GPC5: variants seen among roughly 807,000 people sequenced by gnomAD.
GPC5 encodes the protein glypican 5.
A neutral mutation model predicts 53.9 loss-of-function variants in GPC5; 47 were observed. The observed-to-expected ratio is 0.87, with a 90% CI of 0.69 to 1.11. The LOEUF is 1.11. Among genes scored for constraint, GPC5 ranks in the 50% most tolerant of loss-of-function variants. The pLI is 0.00. For synonymous variants in GPC5, 286 were observed against 263.3 expected (o/e 1.09, Z -0.84); for missense variants, 748 against 713.1 (o/e 1.05, Z -0.56).
intron 7 of GPC5, among the ~76,000 whole-genome samples, chr13:92,246,269 G>A (rs1594033584): frequency 6.6e-6 from 1 of 152,056 alleles, no homozygotes; most frequent in South Asian, 2.1e-4. Context: ...TGGTTAGAGA[G>A]CTCTGAAATA....
chr13:92,300,835 C>T (rs2043070518), intron 7 of GPC5, among the ~76,000 whole-genome samples: 2 of 152,166 alleles, frequency 1.3e-5, no homozygotes, highest in African/African-American at 4.8e-5. Flanking sequence ...TGTAGGGATG[C>T]AAAATGTGAG....
chr13:91,571,921 T>G lies in GPC5; in HGVS notation c.326-121266T>G, dbSNP rs574802845. On this transcript the variant is annotated intron_variant, in intron 2 of 7. Transcript: ENST00000377067. ...TACACATATTGTATATATACACATATTGTATATATACACACATGTATATAC... is the reference window on the plus strand; with the variant it reads ...TACACATATTGTATATATACACATAGTGTATATATACACACATGTATATAC... Among the ~76,000 whole-genome samples, 46 of 108,764 alleles carry G rather than the reference T, an allele frequency of 4.2e-4. 1 individual carries two copies. Among genetic ancestry groups the G allele is most frequent in the South Asian group, 9.0e-4 (2 of 2,232 alleles). 71.4% of individuals were successfully genotyped at this position (108,764 alleles called of 152,430 possible).
At chr13:91,842,665 GCAC>G (rs66965702) in intron 5 of GPC5, among the ~76,000 whole-genome samples, 60,600 of 131,092 alleles carry the variant, frequency 0.46, 14,415 homozygotes, top group East Asian at 0.86. Context: ...TCGCGCCACT[GCAC>G]CACTCCAACC....
At chr13:91,758,305 A>G (rs2037337692) in intron 5 of GPC5, among the ~76,000 whole-genome samples, 1 of 152,076 alleles carries the variant, frequency 6.6e-6, no homozygotes, top group Non-Finnish European at 1.5e-5. Flanking sequence ...CAAACTGTTC[A>G]AACTGGAATT....
chr13:91,986,625 T>C (rs1382300629), intron 6 of GPC5, among the ~76,000 whole-genome samples: 1 of 152,214 alleles, frequency 6.6e-6, no homozygotes, highest in Non-Finnish European at 1.5e-5. Flanking sequence ...AGAGTAGCTC[T>C]CTTACATTGT....
At chr13:92,390,667 T>C (rs992956200) in intron 7 of GPC5, among the ~76,000 whole-genome samples, 1 of 152,312 alleles carries the variant, frequency 6.6e-6, no homozygotes, top group Middle Eastern at 3.4e-3. Flanking sequence ...TTTGTATTTA[T>C]CGTATGTTTC....
intron 7 of GPC5, among the ~76,000 whole-genome samples, chr13:92,785,417 GCATTAGATTTCCA>G (rs944840475): frequency 6.6e-6 from 1 of 152,086 alleles, no homozygotes; most frequent in African/African-American, 2.4e-5. Flanking sequence ...TGTGTTGGAG[GCATTAGATTTCCA>G]TAGAAGAAGG....
chr13:92,475,381 G>A (rs376244617), intron 7 of GPC5, among the ~76,000 whole-genome samples: 14 of 146,466 alleles, frequency 9.6e-5, no homozygotes, highest in African/African-American at 2.3e-4. Context: ...ATTTCCTTGA[G>A]CAGTGGTTTG....
chr13:91,458,641 A>C (rs552425810), intron 2 of GPC5, among the ~76,000 whole-genome samples: 1 of 152,268 alleles, frequency 6.6e-6, no homozygotes, highest in African/African-American at 2.4e-5. Context: ...GGGCACTTTT[A>C]CACTACTGGT....
chr13:91,429,383 G>A (rs935047327), intron 1 of GPC5, among the ~76,000 whole-genome samples: 2 of 152,026 alleles, frequency 1.3e-5, no homozygotes, highest in Admixed American at 6.6e-5. Flanking sequence ...TCCCCAAGAA[G>A]GTGACAGTTT....
intron 7 of GPC5, among the ~76,000 whole-genome samples, chr13:92,391,631 C>A (rs755973728): frequency 4.6e-5 from 7 of 152,052 alleles, no homozygotes; most frequent in Non-Finnish European, 1.0e-4. Flanking sequence ...TGATGATATC[C>A]ATCTTCTGGA....
intron 7 of GPC5, among the ~76,000 whole-genome samples, chr13:92,476,746 G>A (rs1263219252): frequency 6.7e-6 from 1 of 149,022 alleles, no homozygotes; most frequent in Non-Finnish European, 1.5e-5. Flanking sequence ...CCTTTGTAGG[G>A]ACATGGATGA....
At chr13:92,550,483 C>T (rs532631456) in intron 7 of GPC5, among the ~76,000 whole-genome samples, 1 of 151,834 alleles carries the variant, frequency 6.6e-6, no homozygotes, top group East Asian at 1.9e-4. Flanking sequence ...ACAGAAATAA[C>T]TGGGTATCAA....
At chr13:92,758,883 T>C (rs1436745360) in intron 7 of GPC5, among the ~76,000 whole-genome samples, 1 of 152,036 alleles carries the variant, frequency 6.6e-6, no homozygotes, top group Non-Finnish European at 1.5e-5. Context: ...AGGTCTTTTA[T>C]CCATTTTGAG....
intron 7 of GPC5, among the ~76,000 whole-genome samples, chr13:92,312,271 A>G (rs1321561040): frequency 6.6e-6 from 1 of 152,134 alleles, no homozygotes; most frequent in African/African-American, 2.4e-5. Context: ...TTTCCAAAAG[A>G]TTCAAGATGT....
chr13:92,040,336 G>T (rs887086473), intron 6 of GPC5, among the ~76,000 whole-genome samples: 1 of 152,150 alleles, frequency 6.6e-6, no homozygotes, highest in African/African-American at 2.4e-5. Flanking sequence ...AGTGACTGGG[G>T]TGTGTGTGAG....
chr13:92,124,895 C>T (rs1174727521), intron 6 of GPC5, among the ~76,000 whole-genome samples: 10 of 152,158 alleles, frequency 6.6e-5, no homozygotes, highest in African/African-American at 1.4e-4. Context: ...TTCCACCTCC[C>T]GGTATCTTGT....
At chr13:92,691,618 A>AT (rs1024549894) in intron 7 of GPC5, among the ~76,000 whole-genome samples, 1 of 152,226 alleles carries the variant, frequency 6.6e-6, no homozygotes, top group African/African-American at 2.4e-5. Context: ...AGAATCAAAT[A>AT]TTTTATTAAA....
At position 92,583,988 on chromosome 13, in the gene GPC5, C is replaced by T. The variant is rs187644274; in HGVS notation, c.1562-282294C>T. Among the ~76,000 whole-genome samples the T allele has an allele frequency of 4.2e-3, 634 of 152,204 alleles. 5 individuals carry two copies. The highest frequency in any genetic ancestry group is 0.014 in the African/African-American group (599 of 41,534). The stretch of plus-strand genomic sequence containing the variant: ...CCTTCCACCATGATTGTGAGGCTTC[C>T]CCAGCCACACGGAACTGTAAGTCCA... On this transcript the variant is annotated intron_variant, in intron 7 of 7. Transcript: ENST00000377067.
Sources: allele counts gnomAD v4.1 joint callset (sites outside exome capture counted in the v4.1 genomes callset), GRCh38; gene constraint gnomAD v4.1.1; transcripts MANE v1.5; gene names NCBI Gene and HGNC (gene_info 2026-07-23, HGNC 2026-07-21).